The following SUGCT variants were observed in gnomAD, a reference collection of about 807,000 sequenced individuals.
SUGCT encodes succinyl-CoA:glutarate CoA-transferase.
Under a neutral mutation model 55.0 loss-of-function variants are expected in SUGCT, and 41 were observed. The observed-to-expected ratio is 0.74, with a 90% confidence interval of 0.58 to 0.97. The LOEUF is 0.97. SUGCT is among the 50% of genes least tolerant of loss of function. The probability of loss-of-function intolerance (pLI) is 0.00; values close to 1 mark genes in which losing one functional copy is unlikely to be tolerated. For missense variants in SUGCT, 568 were observed against 547.8 expected (o/e 1.04, Z -0.37); for synonymous variants, 187 against 200.4 (o/e 0.93, Z 0.56).
At chr7:41,035,854 C>T in the SUGCT span, among the ~76,000 whole-genome samples, 1 of 152,162 alleles carries the variant, frequency 6.6e-6, no homozygotes, top group Non-Finnish European at 1.5e-5. Flanking sequence ...CACAGGAACC[C>T]CCAGCCTTGC....
chr7:41,005,245 C>T, the SUGCT span, among the ~76,000 whole-genome samples: 1 of 151,988 alleles, frequency 6.6e-6, no homozygotes, highest in Non-Finnish European at 1.5e-5. Flanking sequence ...CCAGTGTTTC[C>T]CCCTCAGCTG....
At chr7:40,490,771 A>G (rs921986932) in intron 11 of SUGCT, among the ~76,000 whole-genome samples, 2 of 152,146 alleles carry the variant, frequency 1.3e-5, no homozygotes, top group Non-Finnish European at 2.9e-5. Flanking sequence ...GAAGTCCCTA[A>G]ATTGAAACAT....
chr7:40,180,260 A>G (rs996539003), intron 1 of SUGCT, among the ~76,000 whole-genome samples: 1 of 151,426 alleles, frequency 6.6e-6, no homozygotes, highest in Non-Finnish European at 1.5e-5. Context: ...CTAGAATTAC[A>G]TGCACATCCC....
chr7:40,549,670 G>A (rs937839740), intron 12 of SUGCT, among the ~76,000 whole-genome samples: 3 of 152,188 alleles, frequency 2.0e-5, no homozygotes, highest in Admixed American at 6.5e-5. Flanking sequence ...TTTGAGGAGG[G>A]CCTTGAATGA....
intron 1 of SUGCT, among the ~76,000 whole-genome samples, chr7:40,145,101 AAT>A (rs779556227): frequency 3.7e-4 from 57 of 152,308 alleles, no homozygotes; most frequent in Non-Finnish European, 5.7e-4. Context: ...AACTTTAGCC[AAT>A]ATGTTTACAA....
chr7:40,359,646 A>G (rs1213484957), intron 9 of SUGCT, among the ~76,000 whole-genome samples: 1 of 152,142 alleles, frequency 6.6e-6, no homozygotes, highest in Non-Finnish European at 1.5e-5. Flanking sequence ...CGATTGTCAA[A>G]CTGCCTTTCT....
chr7:40,571,135 T>A (rs1484590431), intron 12 of SUGCT, among the ~76,000 whole-genome samples: 1 of 152,180 alleles, frequency 6.6e-6, no homozygotes, highest in African/African-American at 2.4e-5. Flanking sequence ...AGTTTGTAAT[T>A]TGACTTACAA....
chr7:40,549,631 C>T (rs1795195835), intron 12 of SUGCT, among the ~76,000 whole-genome samples: 1 of 151,636 alleles, frequency 6.6e-6, no homozygotes, highest in African/African-American at 2.4e-5. Flanking sequence ...ATTGATTGGC[C>T]CAAGGAAAGA....
At chr7:40,413,955 T>A (rs1412410369) in intron 9 of SUGCT, among the ~76,000 whole-genome samples, 1 of 152,214 alleles carries the variant, frequency 6.6e-6, no homozygotes, top group Non-Finnish European at 1.5e-5. Context: ...CATTCTTTTT[T>A]TTTATAGCTG....
intron 8 of SUGCT, among the ~76,000 whole-genome samples, chr7:40,291,298 A>T (rs972466405): frequency 1.3e-5 from 2 of 151,786 alleles, no homozygotes; most frequent in African/African-American, 4.8e-5. Flanking sequence ...AATGTGGCAC[A>T]TATACACCAT....
intron 12 of SUGCT, among the ~76,000 whole-genome samples, chr7:40,659,134 A>G (rs370504407): frequency 2.6e-5 from 4 of 152,318 alleles, no homozygotes; most frequent in East Asian, 3.9e-4. Flanking sequence ...TAGGGATCTA[A>G]TATGCAGGAC....
At chr7:40,147,388 C>G (rs1316807587) in intron 1 of SUGCT, among the ~76,000 whole-genome samples, 1 of 152,172 alleles carries the variant, frequency 6.6e-6, no homozygotes, top group Non-Finnish European at 1.5e-5. Context: ...TTTCTCACCT[C>G]TTTTTAACCT....
intron 13 of SUGCT, among the ~76,000 whole-genome samples, chr7:40,786,590 G>C (rs113901094): frequency 1.1e-3 from 166 of 152,074 alleles, no homozygotes; most frequent in African/African-American, 3.8e-3. Flanking sequence ...AATAAGTAAA[G>C]AGCCATATTA....
At chr7:40,366,447 C>T (rs1562718173) in intron 9 of SUGCT, among the ~76,000 whole-genome samples, 1 of 151,856 alleles carries the variant, frequency 6.6e-6, no homozygotes, top group Non-Finnish European at 1.5e-5. Context: ...TTCTGCACAG[C>T]AAAAGAAACT....
chr7:40,678,675 G>A (rs1784111513), intron 12 of SUGCT, among the ~76,000 whole-genome samples: 2 of 152,116 alleles, frequency 1.3e-5, no homozygotes, highest in South Asian at 4.1e-4. Flanking sequence ...TTTTCCAGTA[G>A]TGAACTATTC....
the SUGCT span, among the ~76,000 whole-genome samples, chr7:40,916,802 T>C: frequency 9.8e-5 from 15 of 152,328 alleles, no homozygotes; most frequent in East Asian, 1.7e-3. Flanking sequence ...CATTTGTTTC[T>C]TTATACACAC....
chr7:40,739,752 A>G lies in SUGCT; in HGVS notation c.1090-9682A>G, dbSNP rs766784659. Among the ~76,000 whole-genome samples the G allele has an allele frequency of 1.1e-4, 16 of 152,092 alleles. No individual in the cohort carries two copies. The South Asian group carries it at 1.5e-3, about 14-fold the overall frequency. Reference sequence around the variant, plus strand: ...CTATTTCTGAGTTCTCTGTTGTTCTATTGATTTATGTGTCTGTCTCTCTGC... The same window carrying G: ...CTATTTCTGAGTTCTCTGTTGTTCTGTTGATTTATGTGTCTGTCTCTCTGC... On this transcript the variant is annotated intron_variant, in intron 12 of 13. Transcript: ENST00000335693.
intron 11 of SUGCT, among the ~76,000 whole-genome samples, chr7:40,472,650 C>CAAT (rs149714111): frequency 0.015 from 2,206 of 151,206 alleles, 67 homozygotes; most frequent in Admixed American, 0.064. Flanking sequence ...CACATAATGC[C>CAAT]AATAATAATA....
intron 9 of SUGCT, among the ~76,000 whole-genome samples, chr7:40,430,295 G>T (rs564148492): frequency 6.6e-5 from 10 of 152,210 alleles, no homozygotes; most frequent in African/African-American, 2.4e-4. Context: ...TGGTATACAA[G>T]AGTTCTCCTT....
Sources: gnomAD v4.1 joint callset for allele counts (sites outside exome capture counted in the v4.1 genomes callset) on GRCh38, gnomAD v4.1.1 for gene constraint, MANE v1.5 for transcripts, NCBI Gene and HGNC (gene_info 2026-07-23, HGNC 2026-07-21) for gene names.